The following ELF2 variants were observed in gnomAD, a reference collection of about 807,000 sequenced individuals.
The protein encoded by ELF2 is E74 like ETS transcription factor 2.
ELF2 carries 11 observed loss-of-function variants against 54.8 expected under a neutral mutation model. The ratio of observed to expected loss-of-function variants is 0.20; its 90% CI spans 0.13 to 0.33. ELF2 has a LOEUF of 0.33. ELF2 is among the 10% of genes least tolerant of loss of function. The pLI is 1.00. For missense variants in ELF2, 513 were observed against 703.0 expected, an observed-to-expected ratio of 0.73 and a Z score of 3.06; for synonymous variants, 203 against 245.1, an observed-to-expected ratio of 0.83 and a Z score of 1.61.
chr4:139,074,181 G>A (rs1031016227), intron 4 of ELF2, among the ~76,000 whole-genome samples: 3 of 152,220 alleles, frequency 2.0e-5, no homozygotes, highest in Admixed American at 2.0e-4. Flanking sequence ...TTACTCAAAG[G>A]AAAACAAAGA....
At chr4:139,097,873 A>C (rs965319025) in intron 4 of ELF2, among the ~76,000 whole-genome samples, 7 of 152,152 alleles carry the variant, frequency 4.6e-5, no homozygotes, top group Non-Finnish European at 1.0e-4. Context: ...GAGTGCCACC[A>C]TGCCCAGCTA....
chr4:139,170,045 C>T (rs1330340604), intron 1 of ELF2, among the ~76,000 whole-genome samples: 2 of 152,056 alleles, frequency 1.3e-5, no homozygotes, highest in Admixed American at 1.3e-4. Context: ...AACCTTATTT[C>T]TCACCATACA....
intron 3 of ELF2, chr4:139,137,403 C>T (rs1262424215): frequency 1.4e-5 from 8 of 577,868 alleles, no homozygotes; most frequent in Non-Finnish European, 2.4e-5. Flanking sequence ...CCTTTCCTCC[C>T]TCCAAGTTCA....
intron 6 of ELF2, among the ~76,000 whole-genome samples, chr4:139,068,149 T>C (rs12510076): frequency 0.21 from 31,853 of 151,948 alleles, 4,365 homozygotes; most frequent in East Asian, 0.49. Flanking sequence ...GCCTCCCAAG[T>C]AGTTGGGACT....
rs111935911 is a variant in ELF2, at chr4:139,083,685, G to A, written c.239-10118C>T. 5.3e-5 allele frequency among the ~76,000 whole-genome samples: 8 copies of A among 152,346 alleles called. No homozygotes were observed. In the East Asian group the frequency reaches 1.4e-3, roughly 26 times the overall value. On this transcript the variant is annotated intron_variant, in intron 4 of 9. Transcript: ENST00000686138. The stretch of plus-strand genomic sequence containing the variant: ...TGGCGAGCGTTCGCCGGAGAAGCCC[G>A]CCGCCCCCGAACGCGGGCAGCAGCG...
At chr4:139,115,353 C>G (rs578039343) in intron 4 of ELF2, 27 of 1,204,106 alleles carry the variant, frequency 2.2e-5, no homozygotes, top group African/African-American at 1.8e-4. Context: ...GCCGCGCCCC[C>G]CGCGGTGCCG....
At chr4:139,107,805 A>G (rs2148800989) in intron 4 of ELF2, among the ~76,000 whole-genome samples, 1 of 152,356 alleles carries the variant, frequency 6.6e-6, no homozygotes, top group Non-Finnish European at 1.5e-5. Context: ...CAACTCTCAC[A>G]AGTATGGGAT....
intron 4 of ELF2, among the ~76,000 whole-genome samples, chr4:139,099,145 G>A (rs1330076015): frequency 6.6e-6 from 1 of 152,046 alleles, no homozygotes; most frequent in African/African-American, 2.4e-5. Context: ...TTATTCAAGG[G>A]CCATCACAAT....
At chr4:139,127,851 G>A (rs769673016) in intron 3 of ELF2, among the ~76,000 whole-genome samples, 40 of 151,810 alleles carry the variant, frequency 2.6e-4, no homozygotes, top group Non-Finnish European at 2.1e-4. Flanking sequence ...TGTAATCCCA[G>A]CTACTTGGGA....
At chr4:139,100,730 T>A (rs1455833242) in intron 4 of ELF2, 1 of 152,262 alleles carries the variant, frequency 6.6e-6, no homozygotes, top group African/African-American at 2.4e-5. Context: ...GAAAACAATT[T>A]AAAAATACTC....
intron 4 of ELF2, chr4:139,101,603 C>T (rs1254433516): frequency 6.6e-6 from 1 of 152,218 alleles, no homozygotes; most frequent in Non-Finnish European, 1.5e-5. Flanking sequence ...CAAAATTAGA[C>T]ACAGGATTTA....
chr4:139,116,735 G>A (rs1300737247), intron 4 of ELF2: 2 of 985,160 alleles, frequency 2.0e-6, no homozygotes, highest in Non-Finnish European at 2.4e-6. Context: ...AGTTTTTCAT[G>A]TCGATCTTCT....
chr4:139,074,233 T>C (rs536625178), intron 4 of ELF2, among the ~76,000 whole-genome samples: 2 of 152,214 alleles, frequency 1.3e-5, no homozygotes, highest in African/African-American at 4.8e-5. Flanking sequence ...TTTAGGCCAA[T>C]ACTAACTTGT....
chr4:139,124,529 AAG>A (rs34972676), intron 4 of ELF2, among the ~76,000 whole-genome samples: 6,502 of 152,248 alleles, frequency 0.043, 465 homozygotes, highest in African/African-American at 0.15. Context: ...ATTATTATGT[AAG>A]AGTCACTACA....
At chr4:139,155,157 T>C (rs943150455) in intron 1 of ELF2, 13 of 152,270 alleles carry the variant, frequency 8.5e-5, no homozygotes, top group African/African-American at 3.1e-4. Context: ...CCAGATGTGG[T>C]GGCACACCCA....
intron 7 of ELF2, among the ~76,000 whole-genome samples, chr4:139,064,288 C>G (rs549129704): frequency 6.6e-6 from 1 of 152,274 alleles, no homozygotes; most frequent in South Asian, 2.1e-4. Flanking sequence ...ACCGCACTGC[C>G]TGAGCGACAG....
chr4:139,130,729 A>AT (rs1294748888), intron 3 of ELF2, among the ~76,000 whole-genome samples: 7 of 152,212 alleles, frequency 4.6e-5, no homozygotes, highest in African/African-American at 1.7e-4. Context: ...ATCCTCCTTA[A>AT]TAACACATGC....
chr4:139,134,088 G>A (rs1022908158), intron 3 of ELF2, among the ~76,000 whole-genome samples: 12 of 152,280 alleles, frequency 7.9e-5, no homozygotes, highest in Admixed American at 6.5e-4. Context: ...TATGATGTTG[G>A]CTGTGGGTTT....
intron 4 of ELF2, chr4:139,115,265 C>A (rs1225505754): frequency 1.1e-5 from 17 of 1,603,974 alleles, no homozygotes; most frequent in South Asian, 2.2e-5. Flanking sequence ...CCCTCTCCTG[C>A]GGTCCCGGGG....
Sources: gnomAD v4.1 joint callset for allele counts (sites outside exome capture counted in the v4.1 genomes callset) on GRCh38, gnomAD v4.1.1 for gene constraint, MANE v1.5 for transcripts, NCBI Gene and HGNC (gene_info 2026-07-23, HGNC 2026-07-21) for gene names.